FRYL: variants seen among roughly 807,000 people sequenced by gnomAD.
The protein encoded by FRYL is FRY like transcription coactivator, also known as protein furry homolog-like.
Under a neutral mutation model 351.2 loss-of-function variants are expected in FRYL, and 150 were observed. The ratio of observed to expected loss-of-function variants is 0.43; its 90% CI spans 0.37 to 0.49. The LOEUF (loss-of-function observed/expected upper bound fraction) is 0.49, where lower values mean the gene tolerates loss of function less well. FRYL is among the 20% of genes least tolerant of loss of function. FRYL has a pLI of 0.00. For missense variants in FRYL, 3,036 were observed against 3,619.3 expected (o/e 0.84, Z 4.13); for synonymous variants, 1,153 against 1,257.1 (o/e 0.92, Z 1.75).
chr4:48,579,175 T>C lies in FRYL; in HGVS notation c.2326A>G (p.Ile776Val), dbSNP rs779041160. The C allele has an allele frequency of 2.2e-5, 36 of 1,613,746 alleles. No homozygotes were observed. Among genetic ancestry groups the C allele is most frequent in the Non-Finnish European group, 2.6e-5 (31 of 1,179,800 alleles). ...CTAATCACATCAAACTGGTGGCTAATAGGAGAAGAGTTCCATTCTGCTAAA... is the reference window on the plus strand; with the variant it reads ...CTAATCACATCAAACTGGTGGCTAACAGGAGAAGAGTTCCATTCTGCTAAA... Reference protein sequence around the residue: ...QTLAEWNSSPISHQFDVISPS... With the variant: ...QTLAEWNSSPVSHQFDVISPS... Residue 776 changes from isoleucine to valine, a missense_variant, in exon 23 of 64, where the codon ATT becomes GTT. Ile to Val is a conservative substitution (Grantham distance 29). Transcript: ENST00000358350.
At chr4:48,681,135 C>G (rs748291601) in intron 3 of FRYL, 128 of 1,212,324 alleles carry the variant, frequency 1.1e-4, no homozygotes, top group Non-Finnish European at 1.3e-4. Flanking sequence ...TTTTAAGGTT[C>G]TTCTACATTA....
chr4:48,742,874 T>C (rs1772253948), intron 1 of FRYL, among the ~76,000 whole-genome samples: 1 of 151,838 alleles, frequency 6.6e-6, no homozygotes, highest in Non-Finnish European at 1.5e-5. Context: ...TGGTACAATC[T>C]TGGCTCACTG....
At chr4:48,519,776 C>T (rs935508206) in intron 55 of FRYL, among the ~76,000 whole-genome samples, 1 of 151,780 alleles carries the variant, frequency 6.6e-6, no homozygotes, top group African/African-American at 2.4e-5. Flanking sequence ...GCACTGTTGC[C>T]AGGCTAGAGT....
chr4:48,586,876 T>C (rs1165308119), intron 18 of FRYL, 148 bp from the exon 19 acceptor site: 1 of 564,486 alleles, frequency 1.8e-6, no homozygotes, highest in Non-Finnish European at 3.1e-6. Flanking sequence ...ATCCTGTAGA[T>C]AATTATTAGC....
intron 1 of FRYL, among the ~76,000 whole-genome samples, chr4:48,715,948 C>T (rs1006098279): frequency 1.3e-5 from 2 of 151,984 alleles, no homozygotes; most frequent in Non-Finnish European, 2.9e-5. Context: ...TGGAACAGAA[C>T]AGAGCCCTCA....
chr4:48,742,370 A>T (rs1035894394), intron 1 of FRYL, among the ~76,000 whole-genome samples: 11 of 152,194 alleles, frequency 7.2e-5, no homozygotes, highest in African/African-American at 2.7e-4. Context: ...CTTCCAGGAC[A>T]TCACATTGTG....
At chr4:48,710,818 A>C (rs1767911836) in intron 1 of FRYL, 120 bp from the exon 2 acceptor site, 1 of 379,014 alleles carries the variant, frequency 2.6e-6, no homozygotes, top group Admixed American at 4.5e-5. Flanking sequence ...CAAAGGTGAA[A>C]CATCATCCAG....
At chr4:48,758,311 A>C (rs553144655) in intron 1 of FRYL, among the ~76,000 whole-genome samples, 1 of 152,370 alleles carries the variant, frequency 6.6e-6, no homozygotes, top group East Asian at 1.9e-4. Context: ...GAATGAGAGG[A>C]AATTTTTGCA....
At chr4:48,719,194 G>A (rs184706626) in intron 1 of FRYL, among the ~76,000 whole-genome samples, 1 of 151,626 alleles carries the variant, frequency 6.6e-6, no homozygotes, top group East Asian at 1.9e-4. Flanking sequence ...GATTCTAATG[G>A]AAGAGACTAA....
In FRYL at chr4:48,729,964, G is replaced by A. The variant is rs965033138; in HGVS notation, c.-383-19266C>T. On this transcript the variant is annotated intron_variant, in intron 1 of 63. Transcript: ENST00000358350. ...TTCTCTGAGCATGTTCTAACCCATCGCAAGGAAGCTAAAAACTTTGAAAAA... is the reference window on the plus strand; with the variant it reads ...TTCTCTGAGCATGTTCTAACCCATCACAAGGAAGCTAAAAACTTTGAAAAA... Among the ~76,000 whole-genome samples the A allele has an allele frequency of 7.2e-5, 11 of 152,252 alleles. 3 individuals are homozygous for A. The highest frequency in any genetic ancestry group is 4.8e-5 in the African/African-American group (2 of 41,554).
At chr4:48,508,066 T>C (rs1046768868) in intron 59 of FRYL, among the ~76,000 whole-genome samples, 2 of 152,198 alleles carry the variant, frequency 1.3e-5, no homozygotes, top group African/African-American at 4.8e-5. Flanking sequence ...GCAAAACATA[T>C]AGTCTTTGTA....
At chr4:48,720,621 G>GA (rs1769363055) in intron 1 of FRYL, among the ~76,000 whole-genome samples, 2 of 152,130 alleles carry the variant, frequency 1.3e-5, no homozygotes, top group African/African-American at 2.4e-5. Context: ...TTACAAAACT[G>GA]AAACTCTATA....
chr4:48,576,106 G>C lies in FRYL; in HGVS notation c.2645C>G (p.Ser882Cys). 6.2e-7 allele frequency: 1 copy of C among 1,613,996 alleles called. No individual in the cohort carries two copies. Reference protein sequence around the residue: ...CSAATSSSSTSAGSVRCSPPE... With the variant: ...CSAATSSSSTCAGSVRCSPPE... ...AGGAGAACATCTCACAGAACCTGCA[G>C]ATGTGGAAGATGACGATGTTGCTGC... The change falls in exon 24 of 64, where the codon TCT becomes TGT. Residue 882 changes from serine (S) to cysteine (C), a missense_variant. Transcript: ENST00000358350.
chr4:48,651,327 G>A (rs1254553693), intron 3 of FRYL, among the ~76,000 whole-genome samples: 1 of 147,588 alleles, frequency 6.8e-6, no homozygotes, highest in African/African-American at 2.5e-5. Context: ...GTGTGTGTGT[G>A]TGTGTGTGTG....
intron 1 of FRYL, among the ~76,000 whole-genome samples, chr4:48,730,204 G>A (rs565756157): frequency 1.1e-4 from 17 of 152,132 alleles, no homozygotes; most frequent in East Asian, 9.7e-4. Context: ...GAAAAGAAAC[G>A]AACAAAACCT....
chr4:48,620,735 G>T lies in FRYL; in HGVS notation c.218C>A (p.Ser73Tyr), dbSNP rs1750496415. ...CCAGTCAAACAAGGTGCGAAGTAAG[G>T]AAGGGAGACAGTGCTCTGCTACTGA... ...MSSVAEHCLPSLLRTLFDWYR... is the reference protein window; with the variant it reads ...MSSVAEHCLPYLLRTLFDWYR... The change falls in exon 6 of 64, where the codon TCC (serine) becomes TAC (tyrosine). Residue 73 changes from serine (S) to tyrosine (Y), a missense_variant. Physicochemically the swap from Ser to Tyr is moderately radical, Grantham distance 144 (BLOSUM62 -2). This residue lies in a region of FRYL where 457 missense variants were observed against 566.6 expected (regional missense o/e 0.81). Coordinates refer to ENST00000358350, the MANE Select transcript of FRYL (RefSeq NM_015030.2). 6.2e-7 allele frequency: 1 copy of T among 1,613,796 alleles called. No individual in the cohort carries two copies.
At chr4:48,587,868 T>C (rs1205091717) in intron 18 of FRYL, among the ~76,000 whole-genome samples, 9 of 152,266 alleles carry the variant, frequency 5.9e-5, no homozygotes, top group African/African-American at 9.6e-5. Context: ...ATAGTGGCAA[T>C]GGACTCACTA....
Position 48,605,716 on chromosome 4 carries a change from G to A in FRYL, c.834+25C>T, listed in dbSNP as rs765998497. The A allele has an allele frequency of 7.3e-6, 10 of 1,378,116 alleles. No homozygotes were observed. The South Asian group carries it at 1.2e-4, about 16-fold the overall frequency. 85.4% of individuals were successfully genotyped at this position (1,378,116 alleles called of 1,614,324 possible). ...AAGGTTCTTGTATAACACACAAATGGTATGAAAATAAGAAAAATACTTACA... is the reference window on the plus strand; with the variant it reads ...AAGGTTCTTGTATAACACACAAATGATATGAAAATAAGAAAAATACTTACA... On this transcript the variant is annotated intron_variant, in intron 11 of 63. Coordinates refer to ENST00000358350, the MANE Select transcript of FRYL (RefSeq NM_015030.2).
At chr4:48,765,995 G>T (rs1381785727) in intron 1 of FRYL, among the ~76,000 whole-genome samples, 2 of 152,172 alleles carry the variant, frequency 1.3e-5, no homozygotes, top group African/African-American at 2.4e-5. Flanking sequence ...TGTTGGTGAG[G>T]ATGTGGAGAA....
Sources: gnomAD v4.1 joint callset for allele counts (sites outside exome capture counted in the v4.1 genomes callset) on GRCh38, gnomAD v4.1.1 for gene constraint, gnomAD v4.1.1 regional missense constraint, MANE v1.5 for transcripts, NCBI Gene and HGNC (gene_info 2026-07-23, HGNC 2026-07-21) for gene names.